Variants in GPC6 observed in about 807,000 individuals in gnomAD.
GPC6 encodes the protein glypican-6.
Under a neutral mutation model 55.2 loss-of-function variants are expected in GPC6, and 14 were observed. That is an observed-to-expected ratio of 0.25 (90% CI 0.17 to 0.40). The LOEUF (loss-of-function observed/expected upper bound fraction) is 0.40, where lower values mean the gene tolerates loss of function less well. GPC6 is among the 10% of genes least tolerant of loss of function. GPC6 has a pLI of 1.00. For missense variants in GPC6, 641 were observed against 708.5 expected, an observed-to-expected ratio of 0.90 and a Z score of 1.08; for synonymous variants, 278 against 259.6, an observed-to-expected ratio of 1.07 and a Z score of -0.68.
chr13:93,853,483 A>T (rs1189307409), intron 3 of GPC6, among the ~76,000 whole-genome samples: 1 of 151,702 alleles, frequency 6.6e-6, no homozygotes, highest in African/African-American at 2.4e-5. Flanking sequence ...TTTTACATTC[A>T]GGATAAATTG....
At chr13:93,816,196 A>G (rs940805429) in intron 2 of GPC6, among the ~76,000 whole-genome samples, 2 of 152,192 alleles carry the variant, frequency 1.3e-5, no homozygotes, top group East Asian at 1.9e-4. Flanking sequence ...TTGTCTCCTG[A>G]TTACATCAAT....
intron 4 of GPC6, among the ~76,000 whole-genome samples, chr13:94,094,943 A>G (rs1397433726): frequency 6.6e-6 from 1 of 152,122 alleles, no homozygotes; most frequent in African/African-American, 2.4e-5. Context: ...TAAATATTGC[A>G]ATATTAAATA....
intron 2 of GPC6, among the ~76,000 whole-genome samples, chr13:93,621,751 T>C (rs925762139): frequency 1.3e-5 from 2 of 152,188 alleles, no homozygotes; most frequent in African/African-American, 4.8e-5. Context: ...TGCAAATATG[T>C]GTACATATTT....
intron 4 of GPC6, among the ~76,000 whole-genome samples, chr13:94,273,640 G>A (rs1032743006): frequency 2.0e-5 from 3 of 152,174 alleles, no homozygotes; most frequent in Admixed American, 2.0e-4. Flanking sequence ...GTGCAATTTA[G>A]GCACTTGGTG....
At chr13:94,066,560 C>T (rs1030137204) in intron 4 of GPC6, among the ~76,000 whole-genome samples, 1 of 152,166 alleles carries the variant, frequency 6.6e-6, no homozygotes, top group Non-Finnish European at 1.5e-5. Context: ...ATAAAAGGAA[C>T]ATTTTTAAGT....
chr13:94,392,415 A>ATTTTTTT (rs59173357), intron 7 of GPC6, among the ~76,000 whole-genome samples: 7 of 105,672 alleles, frequency 6.6e-5, no homozygotes, highest in Non-Finnish European at 1.3e-4. Flanking sequence ...TCTATTTTTA[A>ATTTTTTT]TTTTTTTTTT....
chr13:93,988,019 T>A lies in GPC6; in HGVS notation c.712-39710T>A, dbSNP rs139500737. On this transcript the variant is annotated intron_variant, in intron 3 of 8. Transcript: ENST00000377047. ...TGAATTTCACATCCCTCCATGACTC[T>A]CTTTGGAGGATCTGCATCTACTCCT... Among the ~76,000 whole-genome samples the A allele has an allele frequency of 2.7e-3, 416 of 152,260 alleles. 4 individuals are homozygous for A. Among genetic ancestry groups the A allele is most frequent in the Non-Finnish European group, 4.1e-3 (279 of 68,020 alleles).
At chr13:93,340,651 G>C (rs73542822) in intron 1 of GPC6, among the ~76,000 whole-genome samples, 6,318 of 152,184 alleles carry the variant, frequency 0.042, 234 homozygotes, top group African/African-American at 0.093. Flanking sequence ...GTATGCTCAA[G>C]GAAGATAGGG....
At chr13:94,158,371 A>G (rs555434493) in intron 4 of GPC6, among the ~76,000 whole-genome samples, 1 of 86,680 alleles carries the variant, frequency 1.2e-5, no homozygotes, top group African/African-American at 3.5e-5. Context: ...ACATATTTTG[A>G]TGATGCTTTA....
chr13:94,032,824 G>A (rs1883191336), intron 4 of GPC6, among the ~76,000 whole-genome samples: 1 of 152,148 alleles, frequency 6.6e-6, no homozygotes, highest in Non-Finnish European at 1.5e-5. Context: ...TTGCCAGGCA[G>A]CCCAAAGACT....
chr13:94,081,897 G>A (rs1483955645), intron 4 of GPC6, among the ~76,000 whole-genome samples: 2 of 144,782 alleles, frequency 1.4e-5, no homozygotes, highest in African/African-American at 5.2e-5. Context: ...CTGGAGTGCA[G>A]TGGCATGATC....
chr13:94,099,111 CTG>C (rs1177760675), intron 4 of GPC6, among the ~76,000 whole-genome samples: 2 of 152,050 alleles, frequency 1.3e-5, no homozygotes, highest in South Asian at 4.1e-4. Flanking sequence ...GATAAATATT[CTG>C]TGTCATTCTG....
At chr13:93,407,467 C>A (rs991782610) in intron 1 of GPC6, among the ~76,000 whole-genome samples, 1 of 151,944 alleles carries the variant, frequency 6.6e-6, no homozygotes, top group South Asian at 2.1e-4. Flanking sequence ...ATAAAGTATC[C>A]AATGTCAAAT....
chr13:93,492,037 G>T lies in GPC6; in HGVS notation c.161-53226G>T, dbSNP rs1403838775. 5.0e-3 allele frequency among the ~76,000 whole-genome samples: 705 copies of T among 141,570 alleles called. 4 individuals carry two copies. The highest frequency in any genetic ancestry group is 0.018 in the African/African-American group (681 of 37,134). The allele number at this position is 141,570 out of a possible 152,430, so 92.9% of individuals were successfully genotyped here. ...TTGGTTCCATATGAACTTTAAAGTA[G>T]TTTTTTCCAATTCTGTGAAGAAAGT... On this transcript the variant is annotated intron_variant, in intron 1 of 8. Transcript: ENST00000377047.
At chr13:94,398,077 T>C (rs1289400195) in intron 7 of GPC6, among the ~76,000 whole-genome samples, 2 of 152,344 alleles carry the variant, frequency 1.3e-5, no homozygotes, top group African/African-American at 2.4e-5. Flanking sequence ...TCTCCAGCTA[T>C]GTGGAACTGT....
chr13:93,764,867 T>C (rs1363171032), intron 2 of GPC6, among the ~76,000 whole-genome samples: 2 of 152,200 alleles, frequency 1.3e-5, no homozygotes, highest in Non-Finnish European at 2.9e-5. Context: ...TGGCGTGATC[T>C]CAGCTCACTA....
Position 94,333,479 on chromosome 13 carries a change from T to A in GPC6, c.1152+27356T>A, listed in dbSNP as rs894017589. Among the ~76,000 whole-genome samples, 29 of 152,358 alleles carry A rather than the reference T, an allele frequency of 1.9e-4. 1 individual carries two copies. Among genetic ancestry groups the A allele is most frequent in the Non-Finnish European group, 8.8e-5 (6 of 68,026 alleles). On this transcript the variant is annotated intron_variant, in intron 6 of 8. Transcript: ENST00000377047. ...TTAGAAGAGGTACAGTTCCTATCCC[T>A]TCCTGGTGAATCCTAAAAGGAAATC... is the stretch of plus-strand genomic sequence containing the variant.
At chr13:94,075,482 C>G (rs1258853435) in intron 4 of GPC6, among the ~76,000 whole-genome samples, 2 of 151,960 alleles carry the variant, frequency 1.3e-5, no homozygotes, top group African/African-American at 4.8e-5. Context: ...GAGATCTACC[C>G]ACTTAATAAA....
At chr13:94,260,252 C>T (rs951894046) in intron 4 of GPC6, among the ~76,000 whole-genome samples, 1 of 152,146 alleles carries the variant, frequency 6.6e-6, no homozygotes, top group Non-Finnish European at 1.5e-5. Context: ...GGATTCCTAG[C>T]TCAGCCTGAG....
Sources: allele counts gnomAD v4.1 joint callset (sites outside exome capture counted in the v4.1 genomes callset), GRCh38; gene constraint gnomAD v4.1.1; transcripts MANE v1.5; gene names NCBI Gene and HGNC (gene_info 2026-07-23, HGNC 2026-07-21).